Variants in EXOC4 observed in about 807,000 individuals in gnomAD.
EXOC4 encodes exocyst complex component 4.
A neutral mutation model predicts 107.2 loss-of-function variants in EXOC4; 71 were observed. The observed-to-expected ratio is 0.66, with a 90% CI of 0.55 to 0.81. EXOC4 has a LOEUF of 0.81. Among genes scored for constraint, EXOC4 ranks in the 30% least tolerant of loss-of-function variants. The probability of loss-of-function intolerance (pLI) is 0.00; values close to 1 mark genes in which losing one functional copy is unlikely to be tolerated. For synonymous variants in EXOC4, 456 were observed against 441.2 expected (o/e 1.03, Z -0.42); for missense variants, 1,108 against 1,189.6 (o/e 0.93, Z 1.01).
intron 10 of EXOC4, among the ~76,000 whole-genome samples, chr7:133,682,732 C>G (rs913381034): frequency 1.3e-5 from 2 of 152,170 alleles, no homozygotes; most frequent in African/African-American, 4.8e-5. Context: ...CCCCTGCCTG[C>G]TAGTCATCTA....
At chr7:133,835,761 T>G (rs1797905926) in intron 11 of EXOC4, among the ~76,000 whole-genome samples, 2 of 152,268 alleles carry the variant, frequency 1.3e-5, no homozygotes, top group African/African-American at 2.4e-5. Context: ...AATATTTATG[T>G]GATTATATAT....
intron 9 of EXOC4, among the ~76,000 whole-genome samples, chr7:133,541,788 A>G (rs909487744): frequency 1.3e-5 from 2 of 152,012 alleles, no homozygotes; most frequent in African/African-American, 2.4e-5. Context: ...GTTGGCCTCT[A>G]TTTGGTGAAT....
chr7:133,506,865 T>A (rs1004958371), intron 9 of EXOC4, among the ~76,000 whole-genome samples: 8 of 152,096 alleles, frequency 5.3e-5, no homozygotes, highest in Non-Finnish European at 1.2e-4. Context: ...TTTCACTGAA[T>A]TATTATCGAG....
intron 7 of EXOC4, among the ~76,000 whole-genome samples, chr7:133,459,576 C>T (rs969367046): frequency 1.4e-4 from 22 of 152,038 alleles, no homozygotes; most frequent in African/African-American, 2.9e-4. Context: ...GGCAGACATG[C>T]GTAGTATAAT....
At chr7:133,923,859 C>A (rs975850009) in intron 13 of EXOC4, among the ~76,000 whole-genome samples, 1 of 152,070 alleles carries the variant, frequency 6.6e-6, no homozygotes, top group Non-Finnish European at 1.5e-5. Context: ...CTTCTAAAAC[C>A]TTTATTGTGC....
In EXOC4 at chr7:133,979,222, G is replaced by C. The variant is rs192001037; in HGVS notation, c.2207-18270G>C. ...TATAACACAATTTCTATCATTTGAGGTCAAAACTTCATAGGTATCATAATG... is the reference window on the plus strand; with the variant it reads ...TATAACACAATTTCTATCATTTGAGCTCAAAACTTCATAGGTATCATAATG... On this transcript the variant is annotated intron_variant, in intron 14 of 17. Transcript: ENST00000253861. 3.1e-3 allele frequency among the ~76,000 whole-genome samples: 471 copies of C among 152,092 alleles called. 4 individuals are homozygous for C. Among genetic ancestry groups the C allele is most frequent in the African/African-American group, 0.011 (448 of 41,482 alleles).
intron 3 of EXOC4, among the ~76,000 whole-genome samples, chr7:133,300,607 G>T (rs1186958396): frequency 1.3e-5 from 2 of 152,164 alleles, no homozygotes; most frequent in Non-Finnish European, 2.9e-5. Context: ...GGAATTTTGG[G>T]TTCACTTGCT....
intron 17 of EXOC4, among the ~76,000 whole-genome samples, chr7:134,053,749 A>T (rs1304934634): frequency 6.6e-6 from 1 of 151,758 alleles, no homozygotes; most frequent in Non-Finnish European, 1.5e-5. Flanking sequence ...ATTTGAGCAA[A>T]AATTGACCAG....
chr7:133,300,885 AT>A lies in EXOC4; in HGVS notation c.472-4982del, dbSNP rs5887619. ...TCAAGTTAATAATATGATAGATACC[AT>A]TTTTTTTTTCTAAGCTTCATTGTTT... is the stretch of plus-strand genomic sequence containing the variant. On this transcript the variant is annotated intron_variant, in intron 3 of 17. Transcript: ENST00000253861. 2.3e-4 allele frequency among the ~76,000 whole-genome samples: 35 copies of A among 150,652 alleles called. No homozygotes were observed. The East Asian group carries it at 2.5e-3, about 11-fold the overall frequency.
chr7:133,929,019 G>T (rs547661525), intron 13 of EXOC4, among the ~76,000 whole-genome samples: 2 of 123,506 alleles, frequency 1.6e-5, no homozygotes, highest in Non-Finnish European at 3.2e-5. Context: ...TGCAACCTCC[G>T]CCTCCCGGGT....
chr7:133,313,282 C>T (rs1469325112), intron 4 of EXOC4, among the ~76,000 whole-genome samples: 2 of 151,104 alleles, frequency 1.3e-5, no homozygotes, highest in African/African-American at 4.9e-5. Context: ...CATTCTTATT[C>T]TTTCTGAGTG....
chr7:133,552,126 A>G (rs565356152), intron 9 of EXOC4, among the ~76,000 whole-genome samples: 1 of 152,296 alleles, frequency 6.6e-6, no homozygotes, highest in Non-Finnish European at 1.5e-5. Context: ...AACTGGTTGC[A>G]TTCTGACTAC....
At chr7:133,343,415 C>T (rs937573947) in intron 5 of EXOC4, among the ~76,000 whole-genome samples, 3 of 151,962 alleles carry the variant, frequency 2.0e-5, no homozygotes, top group South Asian at 2.1e-4. Context: ...CCAGCACTTG[C>T]TCCAGTTACC....
chr7:133,642,246 G>A (rs1802874928), intron 10 of EXOC4, among the ~76,000 whole-genome samples: 1 of 152,146 alleles, frequency 6.6e-6, no homozygotes, highest in South Asian at 2.1e-4. Context: ...TGTTCCTAAT[G>A]AGGGTATTGT....
the EXOC4 span, among the ~76,000 whole-genome samples, chr7:134,072,534 A>G: frequency 0.28 from 42,446 of 151,992 alleles, 9,837 homozygotes; most frequent in African/African-American, 0.62. Flanking sequence ...AAAGAAGAGG[A>G]ATGGCCAGGG....
chr7:134,056,010 T>C (rs1241964157), intron 17 of EXOC4, among the ~76,000 whole-genome samples: 1 of 152,194 alleles, frequency 6.6e-6, no homozygotes, highest in South Asian at 2.1e-4. Context: ...TTACTAAAAA[T>C]TGAAAAAGCC....
chr7:133,604,706 CTTTCTTTTT>C lies in EXOC4; in HGVS notation c.1418-25335_1418-25327del, dbSNP rs1252835721. On this transcript the variant is annotated intron_variant, in intron 9 of 17. Transcript: ENST00000253861. ...TTTTTCTTTCCTTCCTTCCTTCCTT[CTTTCTTTTT>C]TTTTTTTTTTTTTTTTTTTTTTTTT... Among the ~76,000 whole-genome samples the C allele has an allele frequency of 2.7e-3, 238 of 87,534 alleles. 8 individuals carry two copies. The highest frequency in any genetic ancestry group is 7.2e-3 in the Middle Eastern group (1 of 138). The allele number at this position is 87,534 out of a possible 152,430, so 57.4% of individuals were successfully genotyped here.
chr7:133,697,088 A>G (rs933336568), intron 10 of EXOC4, among the ~76,000 whole-genome samples: 1 of 152,122 alleles, frequency 6.6e-6, no homozygotes, highest in African/African-American at 2.4e-5. Flanking sequence ...TTCTCATACT[A>G]TAGGGTAAGG....
chr7:133,964,846 G>A (rs543752475), intron 14 of EXOC4, among the ~76,000 whole-genome samples: 1 of 152,256 alleles, frequency 6.6e-6, no homozygotes, highest in South Asian at 2.1e-4. Flanking sequence ...TATCTACCCA[G>A]TAATGGAATT....
Sources: gnomAD v4.1 joint callset for allele counts (sites outside exome capture counted in the v4.1 genomes callset) on GRCh38, gnomAD v4.1.1 for gene constraint, MANE v1.5 for transcripts, NCBI Gene and HGNC (gene_info 2026-07-23, HGNC 2026-07-21) for gene names.